The following DNAH10 variants were observed in gnomAD, a reference collection of about 807,000 sequenced individuals.
The protein encoded by DNAH10 is dynein axonemal heavy chain 10, also known as axonemal beta dynein heavy chain 10.
DNAH10 carries 348 observed loss-of-function variants against 506.6 expected under a neutral mutation model. The ratio of observed to expected loss-of-function variants is 0.69; its 90% CI spans 0.63 to 0.75. The LOEUF (loss-of-function observed/expected upper bound fraction) is 0.75, where lower values mean the gene tolerates loss of function less well. DNAH10 is among the 30% of genes least tolerant of loss of function. The pLI is 0.00. For missense variants in DNAH10, 5,179 were observed against 5,787.1 expected (o/e 0.89, Z 3.41); for synonymous variants, 2,059 against 2,198.6 (o/e 0.94, Z 1.78).
chr12:123,912,432 C>G (rs182301243), intron 59 of DNAH10, among the ~76,000 whole-genome samples: 3 of 41,546 alleles, frequency 7.2e-5, no homozygotes, highest in Non-Finnish European at 1.2e-4. Flanking sequence ...GTCTTTCCCG[C>G]AGGGGGTCTG....
At chr12:123,886,252 A>G (rs1435149323) in intron 51 of DNAH10, among the ~76,000 whole-genome samples, 1 of 152,180 alleles carries the variant, frequency 6.6e-6, no homozygotes, top group Non-Finnish European at 1.5e-5. Flanking sequence ...GTTGAGGGAC[A>G]GAGATCTGGA....
At chr12:123,899,903 CGATA>C (rs1566070633) in intron 56 of DNAH10, among the ~76,000 whole-genome samples, 1 of 152,202 alleles carries the variant, frequency 6.6e-6, no homozygotes, top group East Asian at 1.9e-4. Context: ...GCAACTTAAT[CGATA>C]GATATCCTTT....
chr12:123,918,999 G>C, intron 65 of DNAH10, 50 bp downstream of exon 65: 1 of 1,498,854 alleles, frequency 6.7e-7, no homozygotes. Context: ...TGGTGTGCCA[G>C]ACGTGGCTTT....
chr12:123,931,895 TG>T, intron 75 of DNAH10, 45 bp from the exon 76 acceptor site: 1 of 1,612,738 alleles, frequency 6.2e-7, no homozygotes, highest in Non-Finnish European at 8.5e-7. Flanking sequence ...ACGTGGCACC[TG>T]GGGTTCTGAT....
In DNAH10 at chr12:123,866,229, CTTTTTTTTTTTT is replaced by C. The variant is rs71088963; in HGVS notation, c.7167+176_7167+187del. Among the ~76,000 whole-genome samples the C allele has an allele frequency of 2.9e-3, 171 of 58,214 alleles. 2 individuals are homozygous for C. The highest frequency in any genetic ancestry group is 0.011 in the African/African-American group (151 of 13,430). The allele number at this position is 58,214 out of a possible 152,430, so 38.2% of individuals were successfully genotyped here. A position where few individuals can be genotyped will look rare whatever the true frequency, so the allele number is the denominator to read the frequency against. On this transcript the variant is annotated intron_variant, in intron 41 of 78. Transcript: ENST00000673944. Reference sequence around the variant, plus strand: ...AATAAGTGAAAACATGGCAGACACACTTTTTTTTTTTTTTTTTTTTTTTTTTTTTTTGGAGAC... The same window carrying C: ...AATAAGTGAAAACATGGCAGACACACTTTTTTTTTTTTTTTTTTTGGAGAC...
chr12:123,855,063 G>C lies in DNAH10; in HGVS notation c.6438+1711G>C, dbSNP rs900004134. Among the ~76,000 whole-genome samples, 2 of 152,204 alleles carry C rather than the reference G, an allele frequency of 1.3e-5. 1 individual carries two copies. Among genetic ancestry groups the C allele is most frequent in the Non-Finnish European group, 2.9e-5 (2 of 68,042 alleles). ...TGATGTCGTTACAATTAAGCAAATAGCAGAAGCCCCCGTCAGTTGCTTCCT... is the reference window on the plus strand; with the variant it reads ...TGATGTCGTTACAATTAAGCAAATACCAGAAGCCCCCGTCAGTTGCTTCCT... On this transcript the variant is annotated intron_variant, in intron 36 of 78. Coordinates refer to ENST00000673944, the MANE Select transcript of DNAH10 (RefSeq NM_001372106.1).
At chr12:123,918,597 C>T in intron 64 of DNAH10, 79 bp from the exon 65 acceptor site, 1 of 1,493,714 alleles carries the variant, frequency 6.7e-7, no homozygotes, top group Non-Finnish European at 9.0e-7. Flanking sequence ...ACATACCTCT[C>T]TGCTGTCCCC....
chr12:123,806,113 C>A (rs570666022), intron 18 of DNAH10, among the ~76,000 whole-genome samples: 31 of 152,164 alleles, frequency 2.0e-4, no homozygotes, highest in Non-Finnish European at 1.5e-4. Context: ...TTTTTGCTTT[C>A]ATTTTCTTGT....
intron 34 of DNAH10, among the ~76,000 whole-genome samples, chr12:123,849,372 AT>A (rs1951075247): frequency 6.6e-6 from 1 of 152,230 alleles, no homozygotes; most frequent in Non-Finnish European, 1.5e-5. Flanking sequence ...GAATTCACCA[AT>A]TTCTCTCTGC....
chr12:123,827,760 G>A (rs977284747), intron 25 of DNAH10, among the ~76,000 whole-genome samples: 15 of 152,120 alleles, frequency 9.9e-5, no homozygotes, highest in African/African-American at 3.4e-4. Flanking sequence ...AAAGTCTCTC[G>A]TAAGTGCTGG....
In DNAH10 at chr12:123,870,144, C is replaced by T. The variant is rs993627430; in HGVS notation, c.7520-222C>T. On this transcript the variant is annotated intron_variant, in intron 43 of 78. Coordinates refer to ENST00000673944, the MANE Select transcript of DNAH10 (RefSeq NM_001372106.1). Reference sequence around the variant, plus strand: ...GCACAAGTCACATTAGTGACTGTCCCGTGAACTAGAAGCATAAGCTCCAAA... The same window carrying T: ...GCACAAGTCACATTAGTGACTGTCCTGTGAACTAGAAGCATAAGCTCCAAA... Among the ~76,000 whole-genome samples, 8 of 152,300 alleles carry T rather than the reference C, an allele frequency of 5.3e-5. No individual in the cohort carries two copies. In the South Asian group the frequency reaches 1.0e-3, roughly 20 times the overall value.
At chr12:123,864,043 G>A (rs1362449168) in intron 39 of DNAH10, among the ~76,000 whole-genome samples, 1 of 152,014 alleles carries the variant, frequency 6.6e-6, no homozygotes, top group Non-Finnish European at 1.5e-5. Flanking sequence ...CCAGGTCTGT[G>A]TGCTCAGAAC....
chr12:123,920,037 C>A (rs1954658418), intron 65 of DNAH10, among the ~76,000 whole-genome samples: 1 of 152,196 alleles, frequency 6.6e-6, no homozygotes, highest in African/African-American at 2.4e-5. Flanking sequence ...AACTGCCAAA[C>A]TGTTTTCCAA....
intron 2 of DNAH10, among the ~76,000 whole-genome samples, chr12:123,769,319 T>G (rs1469618270): frequency 6.6e-6 from 1 of 152,004 alleles, no homozygotes; most frequent in African/African-American, 2.4e-5. Context: ...CTAATTTTTT[T>G]TTTTTTGAGA....
intron 5 of DNAH10, 136 bp downstream of exon 5, chr12:123,774,400 G>A (rs112224501): frequency 7.5e-5 from 45 of 597,644 alleles, no homozygotes; most frequent in African/African-American, 7.1e-4. Flanking sequence ...AGACCAGCTC[G>A]GTTGGGGAGA....
chr12:123,902,516 T>C lies in DNAH10; in HGVS notation c.9641-423T>C, dbSNP rs1953567941. 6.6e-6 allele frequency among the ~76,000 whole-genome samples: 1 copy of C among 152,086 alleles called. No individual in the cohort carries two copies. Among genetic ancestry groups the C allele is most frequent in the East Asian group, 1.9e-4 (1 of 5,180 alleles). On this transcript the variant is annotated intron_variant, in intron 56 of 78. Transcript: ENST00000673944. The surrounding 1 kb of genome is among the most constrained non-coding windows in gnomAD (Gnocchi z 4.5). ...GAGAGAGGACGACAGAGGGGCAGGC[T>C]CCTTAGAGGGTGGCTCTGGCTGGGC...
intron 25 of DNAH10, among the ~76,000 whole-genome samples, chr12:123,829,016 C>T (rs77404667): frequency 0.051 from 7,704 of 152,278 alleles, 252 homozygotes; most frequent in African/African-American, 0.095. Flanking sequence ...GCCCCAGGTC[C>T]GCTCTGCCCA....
At position 123,925,880 on chromosome 12, in the gene DNAH10, G is replaced by T. The variant is rs1163115551; in HGVS notation, c.11921+676G>T. 1 of 152,226 alleles carries T rather than the reference G, an allele frequency of 6.6e-6. No homozygotes were observed. Among genetic ancestry groups the T allele is most frequent in the Non-Finnish European group, 1.5e-5 (1 of 68,056 alleles). 9.4% of individuals were successfully genotyped at this position (152,226 alleles called of 1,614,324 possible). ...GACTCTGAAAGAAGCTAGGACTTCA[G>T]ATTTTTTCCTGAAATATCCCAATAT... On this transcript the variant is annotated intron_variant, in intron 68 of 78. Coordinates refer to ENST00000673944, the MANE Select transcript of DNAH10 (RefSeq NM_001372106.1). This position sits in a 1 kb window ranked among gnomAD's most constrained non-coding sequence, Gnocchi z 4.0.
At chr12:123,825,430 C>A (rs1406327085) in intron 24 of DNAH10, among the ~76,000 whole-genome samples, 7 of 152,222 alleles carry the variant, frequency 4.6e-5, no homozygotes, top group Non-Finnish European at 1.0e-4. Flanking sequence ...CTCATCCACA[C>A]CACGGAATAC....
Sources: gnomAD v4.1 joint callset for allele counts (sites outside exome capture counted in the v4.1 genomes callset) on GRCh38, gnomAD v4.1.1 for gene constraint, Gnocchi (gnomAD v3.1) non-coding constraint, MANE v1.5 for transcripts, NCBI Gene and HGNC (gene_info 2026-07-23, HGNC 2026-07-21) for gene names.